Variants in IMMP2L observed in about 807,000 individuals in gnomAD.
The protein encoded by IMMP2L is inner mitochondrial membrane peptidase subunit 2.
A neutral mutation model predicts 19.3 loss-of-function variants in IMMP2L; 18 were observed. The observed-to-expected ratio is 0.93, with a 90% CI of 0.64 to 1.38. IMMP2L has a LOEUF of 1.38. Among genes scored for constraint, IMMP2L ranks in the 40% most tolerant of loss-of-function variants. IMMP2L has a pLI of 0.00. For missense variants in IMMP2L, 233 were observed against 218.2 expected, an observed-to-expected ratio of 1.07 and a Z score of -0.43; for synonymous variants, 76 against 73.0, an observed-to-expected ratio of 1.04 and a Z score of -0.21.
At chr7:111,095,414 G>A (rs1797299490) in intron 3 of IMMP2L, among the ~76,000 whole-genome samples, 1 of 151,592 alleles carries the variant, frequency 6.6e-6, no homozygotes, top group Non-Finnish European at 1.5e-5. Flanking sequence ...AACCTCCTAT[G>A]TGCAAAAAAT....
At chr7:111,058,433 A>G (rs1249985872) in intron 3 of IMMP2L, among the ~76,000 whole-genome samples, 1 of 152,240 alleles carries the variant, frequency 6.6e-6, no homozygotes, top group Non-Finnish European at 1.5e-5. Flanking sequence ...AAACAAGCTG[A>G]AACTAAAAAG....
chr7:111,437,716 A>T (rs539398508), intron 3 of IMMP2L, among the ~76,000 whole-genome samples: 5 of 151,938 alleles, frequency 3.3e-5, no homozygotes, highest in African/African-American at 1.2e-4. Context: ...ATATATTCCT[A>T]TCTTATTTAT....
rs1816730458 is a variant in IMMP2L at position 111,256,647 on chromosome 7, A to G, written c.239+230591T>C. Among the ~76,000 whole-genome samples the G allele has an allele frequency of 1.3e-5, 2 of 152,048 alleles. 1 individual carries two copies. Among genetic ancestry groups the G allele is most frequent in the South Asian group, 4.1e-4 (2 of 4,832 alleles). On this transcript the variant is annotated intron_variant, in intron 3 of 5. Coordinates refer to ENST00000405709, the MANE Select transcript of IMMP2L (RefSeq NM_032549.4). ...TCATAGAGGACCATGCTGCCTAGAG[A>G]GAAAAGTTCTTTTAAATCGAGTAAA...
At chr7:111,411,760 G>T in intron 3 of IMMP2L, 1 of 198,640 alleles carries the variant, frequency 5.0e-6, no homozygotes. Context: ...TCTACAAGGA[G>T]GAGCTGGTGA....
At chr7:111,321,957 T>C (rs1021548236) in intron 3 of IMMP2L, among the ~76,000 whole-genome samples, 4 of 151,972 alleles carry the variant, frequency 2.6e-5, no homozygotes, top group African/African-American at 9.7e-5. Flanking sequence ...TCCTTAAACC[T>C]AAAATGCCAT....
chr7:111,381,336 G>C (rs555492332), intron 3 of IMMP2L, among the ~76,000 whole-genome samples: 25 of 152,084 alleles, frequency 1.6e-4, no homozygotes, highest in African/African-American at 5.8e-4. Context: ...TAGCAGCGTA[G>C]AGCTACTTTA....
chr7:111,362,249 TAA>T (rs1829330176), intron 3 of IMMP2L, among the ~76,000 whole-genome samples: 1 of 152,072 alleles, frequency 6.6e-6, no homozygotes. Flanking sequence ...TTTTTATTTC[TAA>T]AAGTTTTTAA....
chr7:110,982,940 T>A (rs1821456169), intron 3 of IMMP2L, among the ~76,000 whole-genome samples: 1 of 152,058 alleles, frequency 6.6e-6, no homozygotes, highest in South Asian at 2.1e-4. Flanking sequence ...AAACAGAAAG[T>A]CATAGATTAA....
intron 3 of IMMP2L, among the ~76,000 whole-genome samples, chr7:111,304,670 A>G (rs942224487): frequency 1.1e-3 from 135 of 126,056 alleles, no homozygotes; most frequent in East Asian, 2.3e-3. Flanking sequence ...CACATATATA[A>G]TGTGTGTGTG....
chr7:111,390,678 G>A (rs1027337397), intron 3 of IMMP2L: 10 of 152,050 alleles, frequency 6.6e-5, no homozygotes, highest in Non-Finnish European at 1.2e-4. Flanking sequence ...TGGTCCATTA[G>A]CTCCTGCTGC....
At chr7:111,032,514 A>G (rs1790931142) in intron 3 of IMMP2L, among the ~76,000 whole-genome samples, 1 of 152,136 alleles carries the variant, frequency 6.6e-6, no homozygotes. Flanking sequence ...TAAGGAAACA[A>G]TCCAGTTAAA....
In IMMP2L at chr7:111,535,719, C is replaced by G. The variant is rs770085730; in HGVS notation, c.-2-14270G>C. 6.6e-5 allele frequency among the ~76,000 whole-genome samples: 10 copies of G among 152,110 alleles called. No homozygotes were observed. The South Asian group carries it at 1.2e-3, about 19-fold the overall frequency. On this transcript the variant is annotated intron_variant, in intron 1 of 5. Transcript: ENST00000405709. ...AACAGTGAGAGAAACAATTGTGAAA[C>G]TACTTAAGATACATTGTAGGACTCA... is the stretch of plus-strand genomic sequence containing the variant.
At chr7:110,767,837 T>A (rs1287412551) in intron 5 of IMMP2L, among the ~76,000 whole-genome samples, 1 of 152,190 alleles carries the variant, frequency 6.6e-6, no homozygotes, top group Admixed American at 6.5e-5. Context: ...CCCTACTTTG[T>A]TAAAACCCAT....
In IMMP2L at chr7:110,901,963, T is replaced by C. The variant is rs73425069; in HGVS notation, c.306-15268A>G. 9.8e-3 allele frequency among the ~76,000 whole-genome samples: 1,497 copies of C among 152,186 alleles called. 20 individuals carry two copies. Among genetic ancestry groups the C allele is most frequent in the African/African-American group, 0.034 (1,412 of 41,540 alleles). On this transcript the variant is annotated intron_variant, in intron 4 of 5. Coordinates refer to ENST00000405709, the MANE Select transcript of IMMP2L (RefSeq NM_032549.4). ...CATTTTACAGACTTTATAGACTGAT[T>C]TGCATCAAAGCTATAAGACTATATG...
chr7:111,428,757 C>T (rs1467156413), intron 3 of IMMP2L, among the ~76,000 whole-genome samples: 1 of 151,718 alleles, frequency 6.6e-6, no homozygotes, highest in East Asian at 1.9e-4. Context: ...CTTTCCAAAC[C>T]TATTAATGCT....
rs112844781 is a variant in IMMP2L at position 111,029,031 on chromosome 7, T to C, written c.240-65466A>G. On this transcript the variant is annotated intron_variant, in intron 3 of 5. Coordinates refer to ENST00000405709, the MANE Select transcript of IMMP2L (RefSeq NM_032549.4). ...ATCTATTAGCCTTCTAAAAGAATAC[T>C]GCTTTAAAAATATTGCAGAAACTAT... is the stretch of plus-strand genomic sequence containing the variant. 9.5e-3 allele frequency among the ~76,000 whole-genome samples: 1,451 copies of C among 152,306 alleles called. 24 individuals carry two copies. The highest frequency in any genetic ancestry group is 0.033 in the African/African-American group (1,369 of 41,580).
rs181667031 is a variant in IMMP2L at position 111,458,121 on chromosome 7, G to A, written c.239+29117C>T. ...CACCAGGGCACGGTGGTTCACGCCT[G>A]TAATCCCAGCACTCTGGGAGGCTGA... On this transcript the variant is annotated intron_variant, in intron 3 of 5. Transcript: ENST00000405709. Among the ~76,000 whole-genome samples, 364 of 152,284 alleles carry A rather than the reference G, an allele frequency of 2.4e-3. 3 individuals carry two copies. The highest frequency in any genetic ancestry group is 8.3e-3 in the African/African-American group (345 of 41,556).
chr7:110,996,010 G>A (rs1400000664), intron 3 of IMMP2L, among the ~76,000 whole-genome samples: 2 of 152,156 alleles, frequency 1.3e-5, no homozygotes, highest in Non-Finnish European at 2.9e-5. Context: ...GTGCCAAACA[G>A]ACCTGGGTTA....
chr7:111,553,244 A>G (rs1359954111), intron 1 of IMMP2L, among the ~76,000 whole-genome samples: 1 of 152,180 alleles, frequency 6.6e-6, no homozygotes, highest in African/African-American at 2.4e-5. Context: ...ACAGATCTGG[A>G]ACCCAGTCTT....
Sources: allele counts gnomAD v4.1 joint callset (sites outside exome capture counted in the v4.1 genomes callset), GRCh38; gene constraint gnomAD v4.1.1; transcripts MANE v1.5; gene names NCBI Gene and HGNC (gene_info 2026-07-23, HGNC 2026-07-21).